STRADB: variants seen among roughly 807,000 people sequenced by gnomAD.
The protein encoded by STRADB is STE20-related kinase adapter protein beta.
In STRADB, 34 loss-of-function variants were observed where a neutral mutation model predicts 52.1. That is an observed-to-expected ratio of 0.65 (90% confidence interval 0.50 to 0.87). The LOEUF is 0.87. Ranked by LOEUF, STRADB falls within the 40% of genes least tolerant of loss-of-function variation. The pLI is 0.00. For synonymous variants in STRADB, 133 were observed against 174.5 expected (o/e 0.76, Z 1.87); for missense variants, 340 against 483.9 (o/e 0.70, Z 2.79).
intron 3 of STRADB, chr2:201,460,886 TGG>T (rs1199071794): frequency 5.9e-6 from 1 of 170,544 alleles, no homozygotes; most frequent in African/African-American, 2.4e-5. Context: ...TACCTATCAG[TGG>T]GATCGCTGGA....
chr2:201,463,198 G>A (rs1054365247), intron 3 of STRADB, among the ~76,000 whole-genome samples: 4 of 152,090 alleles, frequency 2.6e-5, no homozygotes, highest in African/African-American at 4.8e-5. Context: ...TTAGCTGGGC[G>A]TGGTGGCACA....
rs1284561296 is a variant in STRADB, at chr2:201,480,101, T to C, written c.1183T>C (p.Leu395=). The change falls in exon 12 of 12, where the codon TTG becomes CTG. Residue 395 remains leucine (L), a synonymous_variant. Coordinates refer to ENST00000194530, the MANE Select transcript of STRADB (RefSeq NM_018571.6). ...TGCTTATAACAAGCCATCAATATCATTGCCTCCAGTGTTACCTTGGACTGA... is the reference window on the plus strand; with the variant it reads ...TGCTTATAACAAGCCATCAATATCACTGCCTCCAGTGTTACCTTGGACTGA... ...PPAYNKPSIS[L]PPVLPWTEPE... 3.1e-6 allele frequency: 5 copies of C among 1,613,878 alleles called. No homozygotes were observed. In the South Asian group the frequency reaches 5.5e-5, roughly 18 times the overall value.
At position 201,475,723 on chromosome 2, in the gene STRADB, C is replaced by T; in HGVS notation, c.529C>T (p.Gln177Ter). The T allele has an allele frequency of 6.2e-7, 1 of 1,610,154 alleles. No individual in the cohort carries two copies. The highest frequency in any genetic ancestry group is 8.5e-7 in the Non-Finnish European group (1 of 1,179,060). Residue 177 changes from glutamine (Q) to a stop codon, truncating the protein, a stop_gained, in exon 7 of 12, where the codon CAA becomes TAA. Transcript: ENST00000194530. LOFTEE classifies it high-confidence loss of function. ...GAVRGLNYLHQNGCIHRSIKA... is the reference protein window; with the variant it reads ...GAVRGLNYLH ...CGTGAGAGGGTTGAACTATCTGCACCAAAATGGCTGTATTCACAGGTATTT... is the reference window on the plus strand; with the variant it reads ...CGTGAGAGGGTTGAACTATCTGCACTAAAATGGCTGTATTCACAGGTATTT...
chr2:201,457,072 C>G (rs1302701210), intron 2 of STRADB, among the ~76,000 whole-genome samples: 1 of 152,140 alleles, frequency 6.6e-6, no homozygotes, highest in Non-Finnish European at 1.5e-5. Flanking sequence ...TTTGCACAAA[C>G]AGTTTAGACA....
At chr2:201,470,959 G>A (rs558920482) in intron 4 of STRADB, among the ~76,000 whole-genome samples, 1 of 152,334 alleles carries the variant, frequency 6.6e-6, no homozygotes, top group South Asian at 2.1e-4. Flanking sequence ...GACCAGGACT[G>A]TGGAATAGGA....
chr2:201,474,618 A>G (rs1017017907), intron 5 of STRADB, 29 bp from the exon 6 acceptor site: 2 of 1,581,912 alleles, frequency 1.3e-6, no homozygotes, highest in African/African-American at 2.7e-5. Flanking sequence ...TTGTTTTTAA[A>G]TGTCTTGTCT....
intron 4 of STRADB, 48 bp from the exon 5 acceptor site, chr2:201,472,906 GT>G (rs759717446): frequency 6.5e-6 from 10 of 1,526,866 alleles, no homozygotes; most frequent in Admixed American, 4.3e-5. Context: ...TAAATTGTCA[GT>G]TTTTTTTCTT....
intron 8 of STRADB, 84 bp from the exon 9 acceptor site, chr2:201,478,003 C>A: frequency 1.6e-6 from 2 of 1,286,316 alleles, no homozygotes; most frequent in South Asian, 1.4e-5. Flanking sequence ...TATTGTTCAC[C>A]ATTCTTTATC....
chr2:201,463,876 T>G (rs1952256474), intron 3 of STRADB, among the ~76,000 whole-genome samples: 1 of 152,102 alleles, frequency 6.6e-6, no homozygotes, highest in South Asian at 2.1e-4. Context: ...CTATTGAGAC[T>G]CTAATGCATT....
chr2:201,464,378 G>A (rs1559464344), intron 3 of STRADB, among the ~76,000 whole-genome samples: 1 of 151,984 alleles, frequency 6.6e-6, no homozygotes, highest in Non-Finnish European at 1.5e-5. Flanking sequence ...CTTGGGTAAG[G>A]TCTGAGAGAA....
At chr2:201,477,980 G>T (rs1952506490) in intron 8 of STRADB, 107 bp from the exon 9 acceptor site, 2 of 1,202,386 alleles carry the variant, frequency 1.7e-6, no homozygotes, top group Non-Finnish European at 1.2e-6. Context: ...TCGCTTATGG[G>T]TTTCTTTTCC....
chr2:201,452,075 G>A (rs1347704444), intron 1 of STRADB, 137 bp downstream of exon 1: 2 of 152,264 alleles, frequency 1.3e-5, no homozygotes, highest in Admixed American at 6.6e-5. Flanking sequence ...CCGAGCACCG[G>A]CGGCTGGCGG....
intron 2 of STRADB, among the ~76,000 whole-genome samples, chr2:201,456,807 G>A (rs905732832): frequency 6.6e-6 from 1 of 152,186 alleles, no homozygotes; most frequent in African/African-American, 2.4e-5. Context: ...TATTCAAAGG[G>A]AAAAGGTATG....
intron 3 of STRADB, among the ~76,000 whole-genome samples, chr2:201,463,130 G>A (rs1341348232): frequency 6.6e-6 from 1 of 152,192 alleles, no homozygotes; most frequent in Non-Finnish European, 1.5e-5. Flanking sequence ...AAGGTCAGGA[G>A]ATTGAGACCA....
chr2:201,472,997 A>C lies in STRADB; in HGVS notation c.236A>C (p.His79Pro). 6.2e-7 allele frequency: 1 copy of C among 1,612,954 alleles called. No individual in the cohort carries two copies. The highest frequency in any genetic ancestry group is 8.5e-7 in the Non-Finnish European group (1 of 1,179,612). ...TTGACTTCTGTCCATCTTGCACGGC[A>C]TACTCCCACAGGAACACTGGTAACT... Reference protein sequence around the residue: ...DNLTSVHLARHTPTGTLVTIK... With the variant: ...DNLTSVHLARPTPTGTLVTIK... Residue 79 changes from histidine (H) to proline (P), a missense_variant, in exon 5 of 12, where the codon CAT becomes CCT. By Grantham distance (77) the His-to-Pro change is moderately conservative. Transcript: ENST00000194530.
At chr2:201,478,802 G>A (rs1193586766) in intron 10 of STRADB, among the ~76,000 whole-genome samples, 3 of 151,950 alleles carry the variant, frequency 2.0e-5, no homozygotes, top group Non-Finnish European at 2.9e-5. Context: ...GGCTGGGTGC[G>A]GTGGCTCACA....
chr2:201,471,029 G>A (rs1320288560), intron 4 of STRADB, among the ~76,000 whole-genome samples: 4 of 152,250 alleles, frequency 2.6e-5, no homozygotes, highest in Admixed American at 1.3e-4. Context: ...TAGCTCTGAC[G>A]ACTGCTGCTG....
chr2:201,454,490 G>C lies in STRADB; in HGVS notation c.-95-256G>C, dbSNP rs561357342. On this transcript the variant is annotated intron_variant, in intron 1 of 11. Coordinates refer to ENST00000194530, the MANE Select transcript of STRADB (RefSeq NM_018571.6). ...GGAAGGAGAAATGCAAACATATTGAGGCTTTGGAAATATTCAGGACTTCTT... is the reference window on the plus strand; with the variant it reads ...GGAAGGAGAAATGCAAACATATTGACGCTTTGGAAATATTCAGGACTTCTT... 1.6e-4 allele frequency among the ~76,000 whole-genome samples: 25 copies of C among 152,288 alleles called. 1 individual carries two copies. In the South Asian group the frequency reaches 5.2e-3, roughly 32 times the overall value.
chr2:201,475,717 C>T lies in STRADB; in HGVS notation c.523C>T (p.Leu175=), dbSNP rs199922310. The T allele has an allele frequency of 3.1e-6, 5 of 1,611,068 alleles. No individual in the cohort carries two copies. Among genetic ancestry groups the T allele is most frequent in the Non-Finnish European group, 3.4e-6 (4 of 1,179,412 alleles). ...LFGAVRGLNY[L]HQNGCIHRSI... is the part of the protein sequence containing the mutation. ...TGGAGCCGTGAGAGGGTTGAACTAT[C>T]TGCACCAAAATGGCTGTATTCACAG... The change falls in exon 7 of 12, where the codon CTG becomes TTG. Residue 175 remains leucine (L), a synonymous_variant. Transcript: ENST00000194530.
Sources: allele counts gnomAD v4.1 joint callset (sites outside exome capture counted in the v4.1 genomes callset), GRCh38; gene constraint gnomAD v4.1.1; transcripts MANE v1.5; gene names NCBI Gene and HGNC (gene_info 2026-07-23, HGNC 2026-07-21).